Variants in SEMA6D observed in about 807,000 individuals in gnomAD.
SEMA6D encodes semaphorin-6D.
Under a neutral mutation model 106.6 loss-of-function variants are expected in SEMA6D, and 35 were observed. The ratio of observed to expected loss-of-function variants is 0.33; its 90% CI spans 0.25 to 0.44. The LOEUF (loss-of-function observed/expected upper bound fraction) is 0.44. SEMA6D is among the 20% of genes least tolerant of loss of function. The pLI is 1.00. For synonymous variants in SEMA6D, 499 were observed against 487.7 expected, an observed-to-expected ratio of 1.02 and a Z score of -0.31; for missense variants, 1,185 against 1,345.9, an observed-to-expected ratio of 0.88 and a Z score of 1.87.
intron 3 of SEMA6D, among the ~76,000 whole-genome samples, chr15:47,490,514 A>G (rs1388275197): frequency 1.3e-5 from 2 of 152,212 alleles, no homozygotes; most frequent in South Asian, 2.1e-4. Context: ...GCATGGTGGC[A>G]TGCGCCTGTA....
At chr15:47,418,803 G>C (rs2041061956) in intron 2 of SEMA6D, among the ~76,000 whole-genome samples, 1 of 152,094 alleles carries the variant, frequency 6.6e-6, no homozygotes, top group Non-Finnish European at 1.5e-5. Context: ...TTGACTAAGA[G>C]CACAAAGAAC....
intron 2 of SEMA6D, among the ~76,000 whole-genome samples, chr15:47,469,863 G>T (rs1392858611): frequency 6.6e-6 from 1 of 152,026 alleles, no homozygotes; most frequent in Non-Finnish European, 1.5e-5. Context: ...TCCCACTTAA[G>T]TTGAAAACCA....
chr15:47,418,316 G>T (rs1156359078), intron 2 of SEMA6D, among the ~76,000 whole-genome samples: 3 of 152,110 alleles, frequency 2.0e-5, no homozygotes, highest in African/African-American at 7.2e-5. Flanking sequence ...GGATCACTCT[G>T]GCTGCCATGC....
At chr15:47,731,576 G>A (rs967498658) in intron 1 of SEMA6D, among the ~76,000 whole-genome samples, 3 of 152,172 alleles carry the variant, frequency 2.0e-5, no homozygotes, top group Admixed American at 2.0e-4. Flanking sequence ...CTGAAGTGAT[G>A]TCCCAGCTAG....
chr15:47,360,448 GCT>G (rs2038761338), intron 1 of SEMA6D, among the ~76,000 whole-genome samples: 1 of 152,198 alleles, frequency 6.6e-6, no homozygotes. Flanking sequence ...TTAAAATTCA[GCT>G]TCTGAGTCAC....
chr15:47,285,359 T>C (rs1021836336), intron 1 of SEMA6D, among the ~76,000 whole-genome samples: 3 of 152,164 alleles, frequency 2.0e-5, no homozygotes, highest in Non-Finnish European at 2.9e-5. Context: ...CCTCTGTCTT[T>C]GGTTGAAAAG....
chr15:47,640,667 T>C (rs1431040189), intron 4 of SEMA6D, among the ~76,000 whole-genome samples: 1 of 152,164 alleles, frequency 6.6e-6, no homozygotes, highest in Non-Finnish European at 1.5e-5. Flanking sequence ...CTTTCTCTCT[T>C]ACGAACTGAG....
chr15:47,260,341 A>G (rs1347037540), intron 1 of SEMA6D, among the ~76,000 whole-genome samples: 1 of 152,126 alleles, frequency 6.6e-6, no homozygotes, highest in East Asian at 1.9e-4. Flanking sequence ...GCAAGTAGTC[A>G]TCTTGTATAG....
At chr15:47,546,260 C>T in intron 3 of SEMA6D, among the ~76,000 whole-genome samples, 1 of 152,134 alleles carries the variant, frequency 6.6e-6, no homozygotes, top group East Asian at 1.9e-4. Context: ...ATGAGAAAAA[C>T]ACGTATATCA....
intron 1 of SEMA6D, among the ~76,000 whole-genome samples, chr15:47,249,709 C>T (rs2033403991): frequency 6.6e-6 from 1 of 152,120 alleles, no homozygotes. Flanking sequence ...GGTGGCTAAT[C>T]TTGAGAAACA....
intron 3 of SEMA6D, among the ~76,000 whole-genome samples, chr15:47,493,458 T>C (rs1567118660): frequency 6.6e-6 from 1 of 152,168 alleles, no homozygotes; most frequent in Non-Finnish European, 1.5e-5. Flanking sequence ...AAAGGCACTT[T>C]ACAATATATC....
intron 1 of SEMA6D, among the ~76,000 whole-genome samples, chr15:47,327,846 T>C (rs567885415): frequency 6.6e-6 from 1 of 152,282 alleles, no homozygotes; most frequent in Non-Finnish European, 1.5e-5. Context: ...GTGGTGGTGG[T>C]CAGGGGAAGT....
At chr15:47,472,772 A>C (rs1359828303) in intron 3 of SEMA6D, among the ~76,000 whole-genome samples, 1 of 152,246 alleles carries the variant, frequency 6.6e-6, no homozygotes, top group Non-Finnish European at 1.5e-5. Context: ...TGAATCCTGA[A>C]ATTGTTCAAT....
intron 1 of SEMA6D, among the ~76,000 whole-genome samples, chr15:47,259,437 C>T (rs1304600539): frequency 6.6e-6 from 1 of 151,498 alleles, no homozygotes; most frequent in African/African-American, 2.4e-5. Flanking sequence ...ATAATTTTAC[C>T]AGATATAAAA....
rs371931274 is a variant in SEMA6D at position 47,755,133 on chromosome 15, G to A, written c.-54-4612G>A. On this transcript the variant is annotated intron_variant, in intron 1 of 18. Transcript: ENST00000536845. ...TGCCTGGCTAATTGTTGTATTTTTAGTAGAGACAGGGTTTCACCATGTTGG... is the reference window on the plus strand; with the variant it reads ...TGCCTGGCTAATTGTTGTATTTTTAATAGAGACAGGGTTTCACCATGTTGG... 5.3e-5 allele frequency among the ~76,000 whole-genome samples: 8 copies of A among 151,996 alleles called. No homozygotes were observed. In the East Asian group the frequency reaches 1.5e-3, roughly 29 times the overall value.
At chr15:47,207,993 GCA>G (rs57079521) in intron 1 of SEMA6D, among the ~76,000 whole-genome samples, 4,571 of 89,224 alleles carry the variant, frequency 0.051, 108 homozygotes, top group Middle Eastern at 0.089. Flanking sequence ...TGGCGCGCGC[GCA>G]CACACACACA....
chr15:47,395,287 G>T (rs1291754332), intron 1 of SEMA6D, among the ~76,000 whole-genome samples: 2 of 152,168 alleles, frequency 1.3e-5, no homozygotes, highest in East Asian at 3.9e-4. Context: ...TGGGGACTGA[G>T]AGTTTTAAAA....
chr15:47,413,632 C>T (rs935858231), intron 2 of SEMA6D, among the ~76,000 whole-genome samples: 1 of 152,020 alleles, frequency 6.6e-6, no homozygotes, highest in Non-Finnish European at 1.5e-5. Flanking sequence ...TACAGGCAAA[C>T]ACCACTATGC....
At chr15:47,765,109 T>C in intron 13 of SEMA6D, 53 bp downstream of exon 13, 3 of 1,591,574 alleles carry the variant, frequency 1.9e-6, no homozygotes, top group African/African-American at 1.3e-5. Context: ...ATTTTCGGCA[T>C]GTATTTCATC....
Sources: gnomAD v4.1 joint callset for allele counts (sites outside exome capture counted in the v4.1 genomes callset) on GRCh38, gnomAD v4.1.1 for gene constraint, MANE v1.5 for transcripts, NCBI Gene and HGNC (gene_info 2026-07-23, HGNC 2026-07-21) for gene names.